The following TJP3 variants were observed in gnomAD, a reference collection of about 807,000 sequenced individuals.
TJP3 encodes tight junction protein ZO-3.
In TJP3, 85 loss-of-function variants were observed where a neutral mutation model predicts 104.2. That is an observed-to-expected ratio of 0.82 (90% confidence interval 0.68 to 0.98). The LOEUF (loss-of-function observed/expected upper bound fraction) is 0.98. Ranked by LOEUF, TJP3 falls within the 50% of genes least tolerant of loss-of-function variation. The probability of loss-of-function intolerance (pLI) is 0.00; values close to 1 mark genes in which losing one functional copy is unlikely to be tolerated. For missense variants in TJP3, 1,367 were observed against 1,322.8 expected (o/e 1.03, Z -0.52); for synonymous variants, 550 against 550.6 (o/e 1.00, Z 0.02).
chr19:3,727,654 T>A (rs2036614349), intron 1 of TJP3, among the ~76,000 whole-genome samples: 1 of 151,808 alleles, frequency 6.6e-6, no homozygotes, highest in African/African-American at 2.4e-5. Context: ...AAGACAAAAA[T>A]CTCTGCCCTC....
chr19:3,721,094 G>A (rs1032867374), intron 1 of TJP3, among the ~76,000 whole-genome samples: 6 of 151,806 alleles, frequency 4.0e-5, no homozygotes, highest in Non-Finnish European at 5.9e-5. Flanking sequence ...AGAGACAGAC[G>A]TTTCACCATG....
At chr19:3,724,897 G>A (rs900096778) in intron 1 of TJP3, among the ~76,000 whole-genome samples, 2 of 152,074 alleles carry the variant, frequency 1.3e-5, no homozygotes. Flanking sequence ...AAAAAAAGAT[G>A]CAGTTTTGAA....
chr19:3,732,202 C>T (rs1177312161), intron 6 of TJP3, among the ~76,000 whole-genome samples, 164 bp downstream of exon 6: 1 of 152,122 alleles, frequency 6.6e-6, no homozygotes, highest in Admixed American at 6.6e-5. Flanking sequence ...GCATAAAACC[C>T]CCTTTTTCCC....
At chr19:3,716,825 A>T (rs1401616458) in intron 1 of TJP3, among the ~76,000 whole-genome samples, 1 of 124,356 alleles carries the variant, frequency 8.0e-6, no homozygotes, top group Non-Finnish European at 1.7e-5. Context: ...TTTGAAACAG[A>T]GTCTCAGTCT....
Position 3,730,386 on chromosome 19 carries a change from C to T in TJP3, c.293C>T (p.Pro98Leu), listed in dbSNP as rs2145682788. The part of the protein sequence containing the change: ...TVKRPRRIHL[P>L]ATKASPSSPG... ...AAACGTCCCCGGAGGATCCACCTGCCCGCCACCAAAGCCAGCCCCTCCAGC... is the reference window on the plus strand; with the variant it reads ...AAACGTCCCCGGAGGATCCACCTGCTCGCCACCAAAGCCAGCCCCTCCAGC... Residue 98 changes from proline (P) to leucine (L), a missense_variant, in exon 5 of 21, where the codon CCC becomes CTC. Transcript: ENST00000541714. The surrounding 1 kb of genome is among the most constrained non-coding windows in gnomAD (Gnocchi z 7.3). 6.4e-7 allele frequency: 1 copy of T among 1,553,804 alleles called. No individual in the cohort carries two copies. Among genetic ancestry groups the T allele is most frequent in the East Asian group, 2.3e-5 (1 of 43,592 alleles).
intron 15 of TJP3, among the ~76,000 whole-genome samples, chr19:3,745,215 G>A (rs1450591557): frequency 8.1e-6 from 1 of 123,556 alleles, no homozygotes; most frequent in Non-Finnish European, 1.6e-5. Flanking sequence ...GCAGGATCTC[G>A]ACTCACCGCA....
chr19:3,713,179 T>C (rs1370751840), intron 1 of TJP3, among the ~76,000 whole-genome samples: 1 of 152,112 alleles, frequency 6.6e-6, no homozygotes, highest in Non-Finnish European at 1.5e-5. Flanking sequence ...ACCTAGAATC[T>C]GCCCTTCCTC....
chr19:3,718,278 A>G (rs2036508568), intron 1 of TJP3, among the ~76,000 whole-genome samples: 1 of 135,088 alleles, frequency 7.4e-6, no homozygotes, highest in African/African-American at 2.8e-5. Flanking sequence ...TAGAGATGGA[A>G]GTCTCACTCT....
Position 3,747,900 on chromosome 19 carries a change from ACGGCGAGGG to A in TJP3, c.2435_2443del (p.Glu812_Gly814del). 1.2e-6 allele frequency: 2 copies of A among 1,613,224 alleles called. No homozygotes were observed. The highest frequency in any genetic ancestry group is 1.3e-5 in the African/African-American group (1 of 75,050). On this transcript the variant is annotated inframe_deletion, in exon 19 of 21. Coordinates refer to ENST00000541714, the MANE Select transcript of TJP3 (RefSeq NM_001267560.2). ...CGCGTTAACAGCGACTACGAGACGG[ACGGCGAGGG>A]CGGCGCGTACACGGATGGCGAGGGC...
chr19:3,715,724 G>A (rs1181928078), intron 1 of TJP3, among the ~76,000 whole-genome samples: 1 of 152,074 alleles, frequency 6.6e-6, no homozygotes, highest in African/African-American at 2.4e-5. Flanking sequence ...AGTATCCCTG[G>A]CCTCCACTCA....
At position 3,730,259 on chromosome 19, in the gene TJP3, A is replaced by G. The variant is rs1366882189; in HGVS notation, c.262-96A>G. Reference sequence around the variant, plus strand: ...TTACAGTTTGGACATTGAGGCCCAGAGAGAGACTGGTGTCCCCCAGGGCCA... The same window carrying G: ...TTACAGTTTGGACATTGAGGCCCAGGGAGAGACTGGTGTCCCCCAGGGCCA... On this transcript the variant is annotated intron_variant, in intron 4 of 20. Transcript: ENST00000541714. This position sits in a 1 kb window ranked among gnomAD's most constrained non-coding sequence, Gnocchi z 7.3. 4.1e-6 allele frequency: 6 copies of G among 1,478,642 alleles called. No homozygotes were observed. In the East Asian group the frequency reaches 9.6e-5, roughly 24 times the overall value. 91.6% of individuals were successfully genotyped at this position (1,478,642 alleles called of 1,614,324 possible). A position where few individuals can be genotyped will look rare whatever the true frequency, so the allele number is the denominator to read the frequency against.
rs746667846 is a variant in TJP3, at chr19:3,735,871, T to C, written c.1063T>C (p.Leu355=). The change falls in exon 10 of 21, where the codon TTG becomes CTG. Residue 355 remains leucine (L), a splice_region_variant and synonymous_variant. Coordinates refer to ENST00000541714, the MANE Select transcript of TJP3 (RefSeq NM_001267560.2). ...ISEPDEQRSE[L]PRESSYDIYR... ...AGAGACTGGCTTTTCCCTTTCAGAGTTGCCCAGGGAAAGCAGCTATGACAT... is the reference window on the plus strand; with the variant it reads ...AGAGACTGGCTTTTCCCTTTCAGAGCTGCCCAGGGAAAGCAGCTATGACAT... 1.2e-6 allele frequency: 2 copies of C among 1,613,856 alleles called. No homozygotes were observed. Among genetic ancestry groups the C allele is most frequent in the Non-Finnish European group, 8.5e-7 (1 of 1,179,940 alleles).
chr19:3,721,924 CA>C, intron 1 of TJP3: 2 of 1,196,076 alleles, frequency 1.7e-6, no homozygotes, highest in South Asian at 8.5e-5. Flanking sequence ...AGTAACCCTC[CA>C]AGGGTGGCAG....
At position 3,746,620 on chromosome 19, in the gene TJP3, GCCT is replaced by G; in HGVS notation, c.2149_2151del (p.Ser717del). 6.2e-7 allele frequency: 1 copy of G among 1,610,260 alleles called. No homozygotes were observed. Among genetic ancestry groups the G allele is most frequent in the Non-Finnish European group, 8.5e-7 (1 of 1,179,298 alleles). On this transcript the variant is annotated inframe_deletion, in exon 17 of 21. Coordinates refer to ENST00000541714, the MANE Select transcript of TJP3 (RefSeq NM_001267560.2). The surrounding 1 kb of genome is among the most constrained non-coding windows in gnomAD (Gnocchi z 4.1). ...GGCACTGCGCCAGTGGCTGGCGCCT[GCCT>G]CCCGCCGCAGCACCCGTCGCCTCTA...
At chr19:3,731,780 A>C (rs976586113) in intron 5 of TJP3, among the ~76,000 whole-genome samples, 155 bp from the exon 6 acceptor site, 1 of 152,164 alleles carries the variant, frequency 6.6e-6, no homozygotes, top group African/African-American at 2.4e-5. Context: ...ACACAATCAG[A>C]TCTCGGGTCC....
chr19:3,735,515 A>C, intron 8 of TJP3, 51 bp from the exon 9 acceptor site: 4 of 1,589,256 alleles, frequency 2.5e-6, no homozygotes, highest in Non-Finnish European at 2.6e-6. Context: ...TCTTTTTAAA[A>C]TGGCCCCTTG....
rs146589911 is a variant in TJP3, at chr19:3,726,796, G to A, written c.-9-1628G>A. ...GAGGATTGCTTGAAGCCAGGAGTTC[G>A]AGGCTGCAGTGAGCCATAATGGCTC... On this transcript the variant is annotated intron_variant, in intron 1 of 20. Coordinates refer to ENST00000541714, the MANE Select transcript of TJP3 (RefSeq NM_001267560.2). 1.4e-3 allele frequency among the ~76,000 whole-genome samples: 206 copies of A among 151,506 alleles called. 2 individuals are homozygous for A. Among genetic ancestry groups the A allele is most frequent in the Middle Eastern group, 3.5e-3 (1 of 286 alleles).
At chr19:3,742,639 C>T (rs571046003) in intron 14 of TJP3, among the ~76,000 whole-genome samples, 227 of 5,260 alleles carry the variant, frequency 0.043, 1 homozygote, top group Non-Finnish European at 0.054. Context: ...CAGATGAAAA[C>T]GTCCTAGAAA....
intron 1 of TJP3, among the ~76,000 whole-genome samples, chr19:3,725,599 G>A (rs1280418551): frequency 6.6e-6 from 1 of 151,286 alleles, no homozygotes; most frequent in Non-Finnish European, 1.5e-5. Flanking sequence ...GGCTGAGTCA[G>A]GAGAATAACT....
Sources: gnomAD v4.1 joint callset for allele counts (sites outside exome capture counted in the v4.1 genomes callset) on GRCh38, gnomAD v4.1.1 for gene constraint, Gnocchi (gnomAD v3.1) non-coding constraint, MANE v1.5 for transcripts, NCBI Gene and HGNC (gene_info 2026-07-23, HGNC 2026-07-21) for gene names.